HERC2: variants seen among roughly 807,000 people sequenced by gnomAD.
The protein encoded by HERC2 is HECT and RLD domain containing E3 ubiquitin protein ligase 2.
A neutral mutation model predicts 537.7 loss-of-function variants in HERC2; 102 were observed. That is an observed-to-expected ratio of 0.19 (90% CI 0.16 to 0.22). The LOEUF (loss-of-function observed/expected upper bound fraction) is 0.22. Ranked by LOEUF, HERC2 falls within the 10% of genes least tolerant of loss-of-function variation. The pLI is 1.00. For synonymous variants in HERC2, 2,224 were observed against 2,466.2 expected, an observed-to-expected ratio of 0.90 and a Z score of 2.91; for missense variants, 4,236 against 6,198.2, an observed-to-expected ratio of 0.68 and a Z score of 10.63.
At position 28,207,644 on chromosome 15, in the gene HERC2, C is replaced by T. The variant is rs1369790212; in HGVS notation, c.7070-1262G>A. 2.6e-5 allele frequency among the ~76,000 whole-genome samples: 4 copies of T among 152,166 alleles called. No homozygotes were observed. The East Asian group carries it at 5.8e-4, about 22-fold the overall frequency. ...GCAGCCTTTAGGACTCTGTTTGACA[C>T]AGCCCCAGGGAGATCCACTGCCCTC... is the stretch of plus-strand genomic sequence containing the variant. On this transcript the variant is annotated intron_variant, in intron 44 of 92. Transcript: ENST00000261609.
chr15:28,295,236 C>T (rs2076429989), intron 3 of HERC2, among the ~76,000 whole-genome samples: 1 of 149,642 alleles, frequency 6.7e-6, no homozygotes, highest in Non-Finnish European at 1.5e-5. Context: ...AGAATAGAAC[C>T]CAGCCAGGAA....
intron 2 of HERC2, among the ~76,000 whole-genome samples, chr15:28,304,416 G>A (rs563897371): frequency 3.5e-4 from 53 of 149,588 alleles, no homozygotes; most frequent in Middle Eastern, 3.4e-3. Flanking sequence ...AGCCCAGGCT[G>A]GAATATAGCG....
intron 7 of HERC2, among the ~76,000 whole-genome samples, chr15:28,273,932 T>G (rs571113663): frequency 6.6e-6 from 1 of 152,276 alleles, no homozygotes; most frequent in Non-Finnish European, 1.5e-5. Context: ...TCCCACATTA[T>G]CTATAAGACT....
intron 2 of HERC2, among the ~76,000 whole-genome samples, chr15:28,313,192 A>T (rs2922708): frequency 0.057 from 5,357 of 94,016 alleles, 211 homozygotes; most frequent in African/African-American, 0.19. Context: ...CAGTTAAGGC[A>T]TTTTTTTTTT....
At chr15:28,132,889 T>G in intron 79 of HERC2, 59 bp from the exon 80 acceptor site, 2 of 1,311,164 alleles carry the variant, frequency 1.5e-6, no homozygotes, top group South Asian at 1.7e-5. Context: ...CATTTTTCAG[T>G]GTATTAAATA....
chr15:28,302,977 T>C (rs1274931361), intron 2 of HERC2, among the ~76,000 whole-genome samples: 1 of 151,470 alleles, frequency 6.6e-6, no homozygotes, highest in Non-Finnish European at 1.5e-5. Context: ...TTTTGTTGAT[T>C]GTTTCCTTTG....
intron 7 of HERC2, chr15:28,273,206 TAA>T (rs1468638295): frequency 3.8e-5 from 23 of 604,860 alleles, no homozygotes; most frequent in Non-Finnish European, 6.1e-5. Flanking sequence ...ATATTTTATT[TAA>T]AGTGTTCACT....
chr15:28,269,678 C>G (rs1390309709), intron 10 of HERC2, among the ~76,000 whole-genome samples: 1 of 152,194 alleles, frequency 6.6e-6, no homozygotes, highest in Admixed American at 6.5e-5. Context: ...TTAAAAAGTA[C>G]TATAAATGGC....
At chr15:28,266,690 T>C (rs1322316709) in intron 12 of HERC2, among the ~76,000 whole-genome samples, 1 of 152,192 alleles carries the variant, frequency 6.6e-6, no homozygotes, top group Non-Finnish European at 1.5e-5. Context: ...CTGTATGGCT[T>C]TGTTATATTA....
At chr15:28,291,909 G>GAAAAAAAA (rs67813649) in intron 4 of HERC2, among the ~76,000 whole-genome samples, 5 of 37,944 alleles carry the variant, frequency 1.3e-4, no homozygotes, top group African/African-American at 5.1e-4. Context: ...CGTCTCAAAG[G>GAAAAAAAA]AAAAAAAAAA....
intron 16 of HERC2, among the ~76,000 whole-genome samples, chr15:28,257,921 T>G (rs2075309835): frequency 1.3e-5 from 2 of 151,650 alleles, no homozygotes; most frequent in South Asian, 4.2e-4. Flanking sequence ...CCTGACCTCA[T>G]GATCTGCCCG....
chr15:28,228,214 C>G lies in HERC2; in HGVS notation c.5464+4G>C. The G allele has an allele frequency of 1.2e-6, 2 of 1,612,742 alleles. No individual in the cohort carries two copies. Among genetic ancestry groups the G allele is most frequent in the Non-Finnish European group, 8.5e-7 (1 of 1,179,512 alleles). ...CAAAGGCGCTCAAGCGGGTGCAGACCTACCAATCAGGCGCAGTGCCGTCTG... is the reference window on the plus strand; with the variant it reads ...CAAAGGCGCTCAAGCGGGTGCAGACGTACCAATCAGGCGCAGTGCCGTCTG... On this transcript the variant is annotated splice_donor_region_variant and intron_variant, in intron 35 of 92. Coordinates refer to ENST00000261609, the MANE Select transcript of HERC2 (RefSeq NM_004667.6).
intron 86 of HERC2, chr15:28,118,082 T>C (rs1595976013): frequency 5.9e-6 from 1 of 168,872 alleles, no homozygotes; most frequent in Admixed American, 5.4e-5. Context: ...ACAAGAAGAA[T>C]GACAGGAGCC....
rs138399706 is a variant in HERC2, at chr15:28,225,120, C to T, written c.5465-2905G>A. Among the ~76,000 whole-genome samples the T allele has an allele frequency of 1.0e-2, 1,519 of 152,224 alleles. 19 individuals carry two copies. The highest frequency in any genetic ancestry group is 0.037 in the South Asian group (178 of 4,826). Reference sequence around the variant, plus strand: ...AACCAAAGTTAGGCCAGGTGTGGTGCCTCACACCTGTAATCCCAGCACTTT... The same window carrying T: ...AACCAAAGTTAGGCCAGGTGTGGTGTCTCACACCTGTAATCCCAGCACTTT... On this transcript the variant is annotated intron_variant, in intron 35 of 92. Coordinates refer to ENST00000261609, the MANE Select transcript of HERC2 (RefSeq NM_004667.6).
chr15:28,114,892 G>T, intron 89 of HERC2, 90 bp from the exon 90 acceptor site: 1 of 1,108,066 alleles, frequency 9.0e-7, no homozygotes. Flanking sequence ...TGTCAAGCAG[G>T]AACCAGGGTC....
chr15:28,272,733 G>A (rs1293278237), intron 8 of HERC2, among the ~76,000 whole-genome samples, 161 bp downstream of exon 8: 3 of 152,148 alleles, frequency 2.0e-5, no homozygotes, highest in African/African-American at 7.2e-5. Flanking sequence ...AAAACAGGAA[G>A]TGAAGAAAAG....
intron 79 of HERC2, among the ~76,000 whole-genome samples, chr15:28,134,904 T>C (rs553717472): frequency 1.3e-5 from 2 of 151,822 alleles, no homozygotes; most frequent in South Asian, 4.2e-4. Flanking sequence ...AACTCCTGAG[T>C]TCAAGCAATC....
chr15:28,258,109 G>A (rs138425641), intron 16 of HERC2, among the ~76,000 whole-genome samples: 88 of 152,194 alleles, frequency 5.8e-4, no homozygotes, highest in African/African-American at 2.0e-3. Flanking sequence ...AATCACAATG[G>A]TATTAAACTA....
intron 74 of HERC2, among the ~76,000 whole-genome samples, chr15:28,143,513 C>T (rs974386105): frequency 7.6e-4 from 115 of 151,952 alleles, no homozygotes; most frequent in African/African-American, 2.7e-3. Flanking sequence ...GTGGCGGGAT[C>T]TCAGCTCACT....
Sources: allele counts gnomAD v4.1 joint callset (sites outside exome capture counted in the v4.1 genomes callset), GRCh38; gene constraint gnomAD v4.1.1; transcripts MANE v1.5; gene names NCBI Gene and HGNC (gene_info 2026-07-23, HGNC 2026-07-21).